The following ENPP2 variants were observed in gnomAD, a reference collection of about 807,000 sequenced individuals.
The protein encoded by ENPP2 is ectonucleotide pyrophosphatase/phosphodiesterase 2.
A neutral mutation model predicts 120.2 loss-of-function variants in ENPP2; 51 were observed. The ratio of observed to expected loss-of-function variants is 0.42; its 90% CI spans 0.34 to 0.54. The LOEUF (loss-of-function observed/expected upper bound fraction) is 0.54, where lower values mean the gene tolerates loss of function less well. ENPP2 is among the 20% of genes least tolerant of loss of function. ENPP2 has a pLI of 0.04. For missense variants in ENPP2, 920 were observed against 1,066.5 expected, an observed-to-expected ratio of 0.86 and a Z score of 1.91; for synonymous variants, 365 against 366.4, an observed-to-expected ratio of 1.00 and a Z score of 0.04.
At chr8:119,621,551 C>T in intron 3 of ENPP2, 32 bp from the exon 4 acceptor site, 1 of 1,607,380 alleles carries the variant, frequency 6.2e-7, no homozygotes, top group Non-Finnish European at 8.5e-7. Flanking sequence ...ATTTTCACTG[C>T]TGCACACTAA....
chr8:119,599,459 C>T (rs1181206984), intron 11 of ENPP2, among the ~76,000 whole-genome samples: 1 of 152,134 alleles, frequency 6.6e-6, no homozygotes, highest in Non-Finnish European at 1.5e-5. Context: ...GATATGTTTA[C>T]CTGTATTTCT....
Position 119,672,982 on chromosome 8 carries a change from G to C in ENPP2, c.21+270C>G, listed in dbSNP as rs138549896. ...CGAGCCGTGGTGAACCGAGAGTCCT[G>C]CAAGTTGGACGGGCTCGCTTTCCAG... On this transcript the variant is annotated intron_variant, in intron 1 of 25. Transcript: ENST00000427067. 7.7e-3 allele frequency among the ~76,000 whole-genome samples: 1,172 copies of C among 152,326 alleles called. 17 individuals are homozygous for C. The highest frequency in any genetic ancestry group is 0.027 in the African/African-American group (1,112 of 41,568).
chr8:119,580,076 G>T, intron 19 of ENPP2, 40 bp downstream of exon 19: 1 of 1,490,846 alleles, frequency 6.7e-7, no homozygotes, highest in Non-Finnish European at 9.3e-7. Flanking sequence ...TTTCGAAAAC[G>T]AGAAAAACCT....
At position 119,569,320 on chromosome 8, in the gene ENPP2, A is replaced by G; in HGVS notation, c.1968T>C (p.Asp656=). Residue 656 remains aspartate (D), a synonymous_variant, in exon 21 of 25, where the codon GAT becomes GAC. Transcript: ENST00000075322. ...PDHLTSCVRP[D]VRVSPSFSQN... ...GACTGAAACTCGGAGAAACACGGAC[A>G]TCAGGCCGGACGCAACTGGTCAGAT... 6.2e-7 allele frequency: 1 copy of G among 1,614,112 alleles called. No individual in the cohort carries two copies.
In ENPP2 at chr8:119,584,048, T is replaced by C; in HGVS notation, c.1369A>G (p.Lys457Glu). 6.3e-7 allele frequency: 1 copy of C among 1,598,880 alleles called. No homozygotes were observed. Among genetic ancestry groups the C allele is most frequent in the Non-Finnish European group, 8.6e-7 (1 of 1,167,400 alleles). ...LVERRWHVAR[K>E]PLDVYKKPSG... ...GGTTTCTTATAAACATCCAAAGGTT[T>C]CCTAAATTGAAACAATTTCATGATT... is the stretch of plus-strand genomic sequence containing the variant. The change falls in exon 16 of 25, where the codon AAA becomes GAA. Residue 457 changes from lysine (K) to glutamate (E), a missense_variant and splice_region_variant. By Grantham distance (56) the Lys-to-Glu change is moderately conservative. Coordinates refer to ENST00000075322, the MANE Select transcript of ENPP2 (RefSeq NM_001040092.3).
At chr8:119,615,843 G>A (rs1216168800) in intron 8 of ENPP2, among the ~76,000 whole-genome samples, 4 of 151,886 alleles carry the variant, frequency 2.6e-5, no homozygotes, top group Admixed American at 6.6e-5. Flanking sequence ...TGTCAAAATG[G>A]TTCTGAAATT....
chr8:119,631,886 G>A (rs1040677850), intron 2 of ENPP2, among the ~76,000 whole-genome samples: 14 of 152,016 alleles, frequency 9.2e-5, no homozygotes, highest in Admixed American at 2.0e-4. Context: ...GAGTCTTCAC[G>A]TTCCCTGTCC....
intron 8 of ENPP2, among the ~76,000 whole-genome samples, chr8:119,614,312 AC>A (rs1815316531): frequency 6.6e-6 from 1 of 151,458 alleles, no homozygotes; most frequent in African/African-American, 2.4e-5. Flanking sequence ...TGATCCACCC[AC>A]CTCAGCCTCC....
At chr8:119,616,170 A>C in intron 8 of ENPP2, 95 bp downstream of exon 8, 1 of 1,158,344 alleles carries the variant, frequency 8.6e-7, no homozygotes, top group Non-Finnish European at 1.2e-6. Context: ...TGAGGAAATT[A>C]TACGCATTTT....
In ENPP2 at chr8:119,582,475, C is replaced by T. The variant is rs1812814876; in HGVS notation, c.1671G>A (p.Met557Ile). Residue 557 changes from methionine to isoleucine, a missense_variant, in exon 18 of 25, where the codon ATG becomes ATA. Physicochemically the swap from Met to Ile is conservative, Grantham distance 10 (BLOSUM62 1). Transcript: ENST00000075322. ...EVTRPNYPGI[M>I]YLQSDFDLGC... Reference sequence around the variant, plus strand: ...CCAGGTCAAAATCAGACTGAAGGTACATAATCCCTGGATAATTGGGTCTGG... The same window carrying T: ...CCAGGTCAAAATCAGACTGAAGGTATATAATCCCTGGATAATTGGGTCTGG... 6.2e-7 allele frequency: 1 copy of T among 1,614,104 alleles called. No homozygotes were observed. The highest frequency in any genetic ancestry group is 1.3e-5 in the African/African-American group (1 of 75,046).
chr8:119,579,893 T>C (rs1255042380), intron 19 of ENPP2, among the ~76,000 whole-genome samples: 1 of 152,088 alleles, frequency 6.6e-6, no homozygotes, highest in Non-Finnish European at 1.5e-5. Flanking sequence ...TTAAAAGCTA[T>C]TGAGGGGGGA....
chr8:119,564,980 A>T, intron 22 of ENPP2, 25 bp from the exon 23 acceptor site: 1 of 1,605,022 alleles, frequency 6.2e-7, no homozygotes, highest in Admixed American at 1.7e-5. Context: ...AAATCCAAAA[A>T]TCAATTATTC....
At chr8:119,572,129 A>G in intron 19 of ENPP2, 1 of 1,035,902 alleles carries the variant, frequency 9.7e-7, no homozygotes, top group Non-Finnish European at 1.5e-6. Flanking sequence ...AGTAGTACTT[A>G]GGGGCAGTAA....
chr8:119,627,499 T>C (rs975153479), intron 2 of ENPP2, among the ~76,000 whole-genome samples: 2 of 152,094 alleles, frequency 1.3e-5, no homozygotes, highest in African/African-American at 4.8e-5. Flanking sequence ...TTTTATTTGG[T>C]ATAAATTTAA....
At chr8:119,633,537 G>A (rs972276059) in intron 2 of ENPP2, among the ~76,000 whole-genome samples, 12 of 151,416 alleles carry the variant, frequency 7.9e-5, no homozygotes, top group Admixed American at 2.6e-4. Context: ...GCAAGGCAGA[G>A]GACAGTGTGC....
At chr8:119,583,159 G>C (rs1353684449) in intron 17 of ENPP2, among the ~76,000 whole-genome samples, 2 of 152,134 alleles carry the variant, frequency 1.3e-5, no homozygotes, top group Admixed American at 6.5e-5. Context: ...ACTTGCTTGA[G>C]CTCAGAGGCA....
rs527501210 is a variant in ENPP2, at chr8:119,668,208, C to T, written c.21+5044G>A. ...TGCTCCTTTGTAAATACCGTGAGAT[C>T]AGGTCTTCTTCAGCACTGTTGTCTC... On this transcript the variant is annotated intron_variant, in intron 1 of 25. Coordinates refer to the ENPP2 transcript ENST00000427067. 4.6e-5 allele frequency among the ~76,000 whole-genome samples: 7 copies of T among 152,244 alleles called. No homozygotes were observed. The East Asian group carries it at 7.7e-4, about 17-fold the overall frequency.
chr8:119,566,390 G>A (rs989113862), intron 22 of ENPP2, among the ~76,000 whole-genome samples: 1 of 152,116 alleles, frequency 6.6e-6, no homozygotes, highest in African/African-American at 2.4e-5. Context: ...AAAAGCACCT[G>A]GCCATGCTTC....
chr8:119,593,028 T>C (rs1178166031), intron 12 of ENPP2: 1 of 869,124 alleles, frequency 1.2e-6, no homozygotes, highest in Non-Finnish European at 1.4e-6. Flanking sequence ...ATCTAATAGT[T>C]CCGGAATACA....
Sources: allele counts gnomAD v4.1 joint callset (sites outside exome capture counted in the v4.1 genomes callset), GRCh38; gene constraint gnomAD v4.1.1; transcripts MANE v1.5; gene names NCBI Gene and HGNC (gene_info 2026-07-23, HGNC 2026-07-21).